GRIK4: variants seen among roughly 807,000 people sequenced by gnomAD.
GRIK4 encodes glutamate receptor ionotropic, kainate 4.
A neutral mutation model predicts 104.9 loss-of-function variants in GRIK4; 40 were observed. That is an observed-to-expected ratio of 0.38 (90% confidence interval 0.30 to 0.50). The LOEUF is 0.50. Ranked by LOEUF, GRIK4 falls within the 20% of genes least tolerant of loss-of-function variation. GRIK4 has a pLI of 0.93. For missense variants in GRIK4, 1,047 were observed against 1,308.1 expected, an observed-to-expected ratio of 0.80 and a Z score of 3.08; for synonymous variants, 485 against 524.9, an observed-to-expected ratio of 0.92 and a Z score of 1.04.
chr11:120,953,512 G>A lies in GRIK4; in HGVS notation c.1700+548G>A, dbSNP rs1017581081. Reference sequence around the variant, plus strand: ...CCTCTGAAAACACAGCTGCCTTGTCGAATGGGAACCATGGAGGCTGCTGGC... The same window carrying A: ...CCTCTGAAAACACAGCTGCCTTGTCAAATGGGAACCATGGAGGCTGCTGGC... On this transcript the variant is annotated intron_variant, in intron 15 of 20. Coordinates refer to ENST00000527524, the MANE Select transcript of GRIK4 (RefSeq NM_014619.5). The surrounding 1 kb of genome is among the most constrained non-coding windows in gnomAD (Gnocchi z 4.9). Among the ~76,000 whole-genome samples, 4 of 152,296 alleles carry A rather than the reference G, an allele frequency of 2.6e-5. No individual in the cohort carries two copies. The highest frequency in any genetic ancestry group is 9.6e-5 in the African/African-American group (4 of 41,554).
At chr11:120,530,425 C>T (rs1373836442) in intron 1 of GRIK4, among the ~76,000 whole-genome samples, 1 of 152,016 alleles carries the variant, frequency 6.6e-6, no homozygotes, top group Admixed American at 6.6e-5. Flanking sequence ...GGGGGCAGCT[C>T]TGCACTCTGG....
At chr11:120,755,170 G>A (rs569791708) in intron 3 of GRIK4, among the ~76,000 whole-genome samples, 11 of 152,310 alleles carry the variant, frequency 7.2e-5, no homozygotes, top group African/African-American at 2.6e-4. Context: ...CAGGCCCTGG[G>A]GGTAGAGAGG....
At chr11:120,735,186 A>G (rs1951199224) in intron 3 of GRIK4, among the ~76,000 whole-genome samples, 1 of 152,102 alleles carries the variant, frequency 6.6e-6, no homozygotes, top group Non-Finnish European at 1.5e-5. Context: ...AGTCTTCACA[A>G]TTTGGACTTC....
At chr11:120,884,592 T>C (rs933837433) in intron 11 of GRIK4, among the ~76,000 whole-genome samples, 6 of 152,180 alleles carry the variant, frequency 3.9e-5, no homozygotes, top group Admixed American at 1.3e-4. Context: ...CCCTCCTTTT[T>C]CCACTCTCTA....
chr11:120,741,371 C>CAGG (rs1240419066), intron 3 of GRIK4, among the ~76,000 whole-genome samples: 1 of 151,412 alleles, frequency 6.6e-6, no homozygotes, highest in African/African-American at 2.4e-5. Flanking sequence ...CTCCACCTCC[C>CAGG]AGGTTCAAGC....
intron 3 of GRIK4, among the ~76,000 whole-genome samples, chr11:120,726,490 T>C (rs575362178): frequency 1.1e-3 from 169 of 152,142 alleles, no homozygotes; most frequent in Non-Finnish European, 2.1e-3. Flanking sequence ...ATTTTGGAGA[T>C]AGAATACTCC....
intron 9 of GRIK4, among the ~76,000 whole-genome samples, chr11:120,865,742 A>C (rs1954390847): frequency 6.6e-6 from 1 of 152,232 alleles, no homozygotes; most frequent in Admixed American, 6.5e-5. Context: ...AAAAAGTCTG[A>C]ATACCCGAAT....
chr11:120,833,105 C>A (rs1415565751), intron 7 of GRIK4, among the ~76,000 whole-genome samples: 1 of 152,076 alleles, frequency 6.6e-6, no homozygotes, highest in African/African-American at 2.4e-5. Context: ...CCCAGCTGCC[C>A]CTCCTCAGCT....
At position 120,905,719 on chromosome 11, in the gene GRIK4, C is replaced by T. The variant is rs1942854109; in HGVS notation, c.1476+226C>T. Among the ~76,000 whole-genome samples, 1 of 152,228 alleles carries T rather than the reference C, an allele frequency of 6.6e-6. No individual in the cohort carries two copies. Among genetic ancestry groups the T allele is most frequent in the Admixed American group, 6.5e-5 (1 of 15,292 alleles). ...ATCCCGTGGCTTTCCCAGTCCAGAG[C>T]CTGTGACAAGTCATGGAGGCTCTGA... On this transcript the variant is annotated intron_variant, in intron 13 of 20. Coordinates refer to ENST00000527524, the MANE Select transcript of GRIK4 (RefSeq NM_014619.5). This position sits in a 1 kb window ranked among gnomAD's most constrained non-coding sequence, Gnocchi z 5.1.
intron 1 of GRIK4, among the ~76,000 whole-genome samples, chr11:120,556,795 C>G (rs1948191341): frequency 6.6e-6 from 1 of 152,206 alleles, no homozygotes; most frequent in African/African-American, 2.4e-5. Flanking sequence ...CATCTCCTCT[C>G]CGTTCCTTCC....
At chr11:120,809,729 C>T (rs375947738) in intron 4 of GRIK4, among the ~76,000 whole-genome samples, 35 of 152,278 alleles carry the variant, frequency 2.3e-4, no homozygotes, top group African/African-American at 8.2e-4. Flanking sequence ...GGCCCACAAA[C>T]CCTCGAGGCC....
At chr11:120,600,335 TC>T (rs1270245366) in intron 1 of GRIK4, among the ~76,000 whole-genome samples, 2 of 151,828 alleles carry the variant, frequency 1.3e-5, no homozygotes, top group African/African-American at 4.8e-5. Context: ...TGGGAGTTTT[TC>T]CCCCCTCTGT....
intron 15 of GRIK4, among the ~76,000 whole-genome samples, chr11:120,955,273 C>T (rs1190590590): frequency 1.3e-5 from 2 of 152,300 alleles, no homozygotes; most frequent in Non-Finnish European, 2.9e-5. Context: ...GCCAGCTCCT[C>T]GGGACCCACA....
At chr11:120,982,286 T>C in intron 20 of GRIK4, 62 bp downstream of exon 20, 1 of 892,714 alleles carries the variant, frequency 1.1e-6, no homozygotes, top group Non-Finnish European at 1.9e-6. Flanking sequence ...CACAGGCTCA[T>C]GCACATATAA....
At chr11:120,701,875 A>T (rs969339866) in intron 3 of GRIK4, among the ~76,000 whole-genome samples, 1 of 151,956 alleles carries the variant, frequency 6.6e-6, no homozygotes, top group Non-Finnish European at 1.5e-5. Flanking sequence ...TTTGAAGGTA[A>T]AGCCAACAGA....
At chr11:120,794,285 A>C (rs1206569635) in intron 3 of GRIK4, among the ~76,000 whole-genome samples, 1 of 148,124 alleles carries the variant, frequency 6.8e-6, no homozygotes, top group Non-Finnish European at 1.5e-5. Flanking sequence ...GCTGAGAGCC[A>C]GGCGATGGTT....
At chr11:120,771,874 T>C (rs1270556503) in intron 3 of GRIK4, among the ~76,000 whole-genome samples, 1 of 152,064 alleles carries the variant, frequency 6.6e-6, no homozygotes, top group African/African-American at 2.4e-5. Flanking sequence ...GCTGCAGGAG[T>C]GAGATCACCA....
intron 14 of GRIK4, among the ~76,000 whole-genome samples, chr11:120,948,306 C>T (rs145591561): frequency 6.6e-6 from 1 of 152,094 alleles, no homozygotes; most frequent in African/African-American, 2.4e-5. Context: ...TATGAAGGAC[C>T]CTTTGTCCTT....
intron 18 of GRIK4, 75 bp downstream of exon 18, chr11:120,962,756 A>G: frequency 1.1e-6 from 1 of 924,954 alleles, no homozygotes; most frequent in Non-Finnish European, 1.7e-6. Flanking sequence ...CACTGAATAC[A>G]GCATTGAATC....
Sources: allele counts gnomAD v4.1 joint callset (sites outside exome capture counted in the v4.1 genomes callset), GRCh38; gene constraint gnomAD v4.1.1; non-coding constraint Gnocchi (gnomAD v3.1); transcripts MANE v1.5; gene names NCBI Gene and HGNC (gene_info 2026-07-23, HGNC 2026-07-21).